Variants in CRCP observed in about 807,000 individuals in gnomAD.
CRCP encodes the protein CGRP receptor component, also known as DNA-directed RNA polymerase III subunit RPC9.
CRCP carries 18 observed loss-of-function variants against 18.5 expected under a neutral mutation model. The ratio of observed to expected loss-of-function variants is 0.97; its 90% CI spans 0.67 to 1.44. The LOEUF is 1.44. CRCP is among the 40% of genes most tolerant of loss of function. The pLI is 0.00. For synonymous variants in CRCP, 53 were observed against 62.9 expected (o/e 0.84, Z 0.75); for missense variants, 130 against 176.4 (o/e 0.74, Z 1.49).
chr7:66,115,273 G>C (rs1296980034), intron 1 of CRCP, among the ~76,000 whole-genome samples: 1 of 152,200 alleles, frequency 6.6e-6, no homozygotes, highest in East Asian at 1.9e-4. Context: ...CTGGGTCACA[G>C]TGCGGGGGTG....
At chr7:66,130,631 G>A in intron 2 of CRCP, 113 bp from the exon 3 acceptor site, 2 of 509,852 alleles carry the variant, frequency 3.9e-6, no homozygotes, top group Non-Finnish European at 7.1e-6. Flanking sequence ...GCTGGGTGAT[G>A]GGCGGGTGAA....
At chr7:66,145,356 A>C in intron 4 of CRCP, 87 bp from the exon 5 acceptor site, 1 of 1,396,760 alleles carries the variant, frequency 7.2e-7, no homozygotes, top group Admixed American at 1.7e-5. Context: ...CCCATTTTTT[A>C]TCTGGCAAAT....
At chr7:66,147,566 GA>G (rs1788336571) in intron 5 of CRCP, among the ~76,000 whole-genome samples, 1 of 152,180 alleles carries the variant, frequency 6.6e-6, no homozygotes, top group Admixed American at 6.5e-5. Context: ...TTGATGAGAA[GA>G]AAGATGTGTG....
intron 1 of CRCP, among the ~76,000 whole-genome samples, chr7:66,122,569 A>C (rs577770018): frequency 1.3e-5 from 2 of 152,192 alleles, no homozygotes; most frequent in Admixed American, 6.5e-5. Flanking sequence ...AGTCAGCTTC[A>C]GTCATCTAAT....
intron 1 of CRCP, among the ~76,000 whole-genome samples, chr7:66,124,487 C>CCCTCCCT (rs1283759366): frequency 6.9e-6 from 1 of 143,988 alleles, no homozygotes; most frequent in Non-Finnish European, 1.5e-5. Flanking sequence ...TTTTTCTTTT[C>CCCTCCCT]CCTCCCTCCT....
chr7:66,116,985 G>A (rs1423417144), intron 1 of CRCP, among the ~76,000 whole-genome samples: 1 of 151,806 alleles, frequency 6.6e-6, no homozygotes, highest in Non-Finnish European at 1.5e-5. Context: ...ACTGGGTGTA[G>A]TGGTGGGCGC....
chr7:66,153,759 CATTGAAAGTACCAG>C lies in CRCP; in HGVS notation c.*1407_*1420del, dbSNP rs538193043. The C allele has an allele frequency of 3.0e-4, 45 of 152,108 alleles. 1 individual carries two copies. In the East Asian group the frequency reaches 8.7e-3, roughly 30 times the overall value. The allele number at this position is 152,108 out of a possible 1,614,324, so 9.4% of individuals were successfully genotyped here. ...TCAGCTGAAATCTGTTTATAGGCAA[CATTGAAAGTACCAG>C]ATTGGGGCCAGGTGTAGCGGCCCAC... On this transcript the variant is annotated 3_prime_UTR_variant, in exon 6 of 6. Transcript: ENST00000395326.
Position 66,114,899 on chromosome 7 carries a change from G to C in CRCP, c.-64G>C. On this transcript the variant is annotated 5_prime_UTR_variant, in exon 1 of 6. Coordinates refer to ENST00000395326, the MANE Select transcript of CRCP (RefSeq NM_014478.5). ...CACCTTGGCGCTGTTGGTGGCGGCG[G>C]AGACAGCTGTGAAGTGTGAGGTTCT... The C allele has an allele frequency of 1.2e-6, 2 of 1,609,288 alleles. No individual in the cohort carries two copies. The highest frequency in any genetic ancestry group is 1.7e-6 in the Non-Finnish European group (2 of 1,176,200).
Position 66,114,888 on chromosome 7 carries a change from T to A in CRCP, c.-75T>A, listed in dbSNP as rs2115824355. The A allele has an allele frequency of 6.2e-7, 1 of 1,608,728 alleles. No homozygotes were observed. Among genetic ancestry groups the A allele is most frequent in the East Asian group, 2.2e-5 (1 of 44,656 alleles). On this transcript the variant is annotated 5_prime_UTR_variant, in exon 1 of 6. Transcript: ENST00000395326. ...CGCGGAGCTGGCACCTTGGCGCTGT[T>A]GGTGGCGGCGGAGACAGCTGTGAAG...
chr7:66,131,151 T>C (rs2115935793), intron 3 of CRCP, among the ~76,000 whole-genome samples: 1 of 152,202 alleles, frequency 6.6e-6, no homozygotes, highest in South Asian at 2.1e-4. Flanking sequence ...ATTTTTTGTA[T>C]TTTTAGTAGA....
chr7:66,143,025 ATAAT>A (rs1788184811), intron 4 of CRCP, among the ~76,000 whole-genome samples: 1 of 152,156 alleles, frequency 6.6e-6, no homozygotes, highest in South Asian at 2.1e-4. Flanking sequence ...TTCATGTTAA[ATAAT>A]GTATTTTTTT....
At chr7:66,123,741 T>C (rs1476316105) in intron 1 of CRCP, among the ~76,000 whole-genome samples, 2 of 109,852 alleles carry the variant, frequency 1.8e-5, no homozygotes, top group Non-Finnish European at 3.6e-5. Context: ...AGAGCGAAAC[T>C]CTTGTCTCAA....
chr7:66,129,418 G>A (rs1056026693), intron 2 of CRCP, among the ~76,000 whole-genome samples: 3 of 152,110 alleles, frequency 2.0e-5, no homozygotes, highest in Non-Finnish European at 2.9e-5. Flanking sequence ...GGGGAGGTTC[G>A]CTTGAGCCCA....
chr7:66,120,146 TG>T (rs1400018538), intron 1 of CRCP, among the ~76,000 whole-genome samples: 5 of 150,818 alleles, frequency 3.3e-5, no homozygotes, highest in Admixed American at 6.6e-5. Flanking sequence ...ATCGCACCAC[TG>T]CACTCCAGCC....
At chr7:66,139,857 G>T (rs1232272008) in intron 4 of CRCP, among the ~76,000 whole-genome samples, 1 of 152,150 alleles carries the variant, frequency 6.6e-6, no homozygotes, top group Non-Finnish European at 1.5e-5. Context: ...ATTTGGAGGA[G>T]TCCCCTTCTC....
chr7:66,123,778 C>T (rs1231379962), intron 1 of CRCP, among the ~76,000 whole-genome samples: 1 of 147,166 alleles, frequency 6.8e-6, no homozygotes, highest in Non-Finnish European at 1.5e-5. Context: ...GGGGGCCGGG[C>T]GCAGTGGCTG....
At chr7:66,145,899 G>A (rs1488613864) in intron 5 of CRCP, among the ~76,000 whole-genome samples, 2 of 152,144 alleles carry the variant, frequency 1.3e-5, no homozygotes, top group Non-Finnish European at 2.9e-5. Context: ...TTCTGGGTGA[G>A]GGGAGCATGT....
At chr7:66,116,754 T>G (rs1005564322) in intron 1 of CRCP, among the ~76,000 whole-genome samples, 6 of 152,122 alleles carry the variant, frequency 3.9e-5, no homozygotes, top group Non-Finnish European at 8.8e-5. Context: ...TTGAAAGTGC[T>G]GATTAGCCCC....
chr7:66,130,625 G>C (rs1787770837), intron 2 of CRCP, 119 bp from the exon 3 acceptor site: 1 of 503,346 alleles, frequency 2.0e-6, no homozygotes, highest in Non-Finnish European at 3.6e-6. Flanking sequence ...TTGGAAGCTG[G>C]GTGATGGGCG....
Sources: gnomAD v4.1 joint callset for allele counts (sites outside exome capture counted in the v4.1 genomes callset) on GRCh38, gnomAD v4.1.1 for gene constraint, MANE v1.5 for transcripts, NCBI Gene and HGNC (gene_info 2026-07-23, HGNC 2026-07-21) for gene names.